Variants in FSIP1 observed in about 807,000 individuals in gnomAD.
FSIP1 encodes the protein fibrous sheath interacting protein 1.
FSIP1 carries 65 observed loss-of-function variants against 60.9 expected under a neutral mutation model. The ratio of observed to expected loss-of-function variants is 1.07; its 90% confidence interval spans 0.87 to 1.31. FSIP1 has a LOEUF of 1.31. FSIP1 is among the 40% of genes most tolerant of loss of function. FSIP1 has a pLI of 0.00. For synonymous variants in FSIP1, 209 were observed against 221.2 expected, an observed-to-expected ratio of 0.94 and a Z score of 0.49; for missense variants, 675 against 665.5, an observed-to-expected ratio of 1.01 and a Z score of -0.16.
At chr15:39,682,811 A>G (rs1894219840) in intron 10 of FSIP1, among the ~76,000 whole-genome samples, 1 of 152,236 alleles carries the variant, frequency 6.6e-6, no homozygotes, top group South Asian at 2.1e-4. Context: ...AAAAATTGCA[A>G]AAACTTTTAA....
chr15:39,639,505 T>C (rs879349935), intron 10 of FSIP1, among the ~76,000 whole-genome samples: 8 of 152,212 alleles, frequency 5.3e-5, no homozygotes, highest in Non-Finnish European at 7.3e-5. Context: ...TCCACAATTA[T>C]GTTTCTTTAA....
chr15:39,688,193 AG>A (rs1894458397), intron 10 of FSIP1, among the ~76,000 whole-genome samples: 1 of 152,354 alleles, frequency 6.6e-6, no homozygotes, highest in Admixed American at 6.5e-5. Flanking sequence ...CCACAACTTC[AG>A]GGAGATGACA....
chr15:39,621,045 A>C (rs904791272), intron 10 of FSIP1, among the ~76,000 whole-genome samples: 5 of 146,998 alleles, frequency 3.4e-5, no homozygotes, highest in Admixed American at 3.3e-4. Context: ...AAGCAAGAGA[A>C]GGGCATTTCT....
chr15:39,668,276 T>C (rs1490647739), intron 10 of FSIP1, among the ~76,000 whole-genome samples: 1 of 151,960 alleles, frequency 6.6e-6, no homozygotes, highest in African/African-American at 2.4e-5. Context: ...TCTTCTTCAT[T>C]CCATGCTTCT....
chr15:39,642,304 GT>G lies in FSIP1; in HGVS notation c.1189-24060del, dbSNP rs575139284. Reference sequence around the variant, plus strand: ...CGCAAGTTTCCCCTCTCCCACCCCTGTTTTTTATTTAATTATTTTTAACCTG... The same window carrying G: ...CGCAAGTTTCCCCTCTCCCACCCCTGTTTTTATTTAATTATTTTTAACCTG... On this transcript the variant is annotated intron_variant, in intron 10 of 11. Transcript: ENST00000350221. 7.9e-5 allele frequency among the ~76,000 whole-genome samples: 12 copies of G among 152,150 alleles called. No individual in the cohort carries two copies. In the East Asian group the frequency reaches 2.3e-3, roughly 29 times the overall value.
chr15:39,628,014 C>T lies in FSIP1; in HGVS notation c.1189-9769G>A, dbSNP rs367735455. 3.4e-4 allele frequency among the ~76,000 whole-genome samples: 52 copies of T among 152,330 alleles called. No homozygotes were observed. In the East Asian group the frequency reaches 8.5e-3, roughly 25 times the overall value. On this transcript the variant is annotated intron_variant, in intron 10 of 11. Coordinates refer to ENST00000350221, the MANE Select transcript of FSIP1 (RefSeq NM_152597.5). ...CTCTGCAGACTGTCAACAAGGCTCA[C>T]ATGCTGGCACTGGCTGGGTGCAGGT...
intron 10 of FSIP1, among the ~76,000 whole-genome samples, chr15:39,638,076 C>G (rs992385105): frequency 3.3e-5 from 5 of 152,128 alleles, no homozygotes; most frequent in Non-Finnish European, 5.9e-5. Context: ...ACTCTTGATC[C>G]CTCATTCTTT....
At chr15:39,602,328 G>T (rs924086598) in intron 11 of FSIP1, 1 of 456,308 alleles carries the variant, frequency 2.2e-6, no homozygotes, top group Non-Finnish European at 4.4e-6. Context: ...GCATGGAAGC[G>T]TTCTAGCGTT....
At chr15:39,680,733 G>C (rs181897334) in intron 10 of FSIP1, among the ~76,000 whole-genome samples, 54 of 152,228 alleles carry the variant, frequency 3.5e-4, no homozygotes, top group African/African-American at 1.3e-3. Flanking sequence ...ATGATTACTT[G>C]AGTTTTCTCT....
chr15:39,781,118 T>A (rs1898251934), intron 1 of FSIP1, among the ~76,000 whole-genome samples: 1 of 152,002 alleles, frequency 6.6e-6, no homozygotes, highest in African/African-American at 2.4e-5. Context: ...CCAGAATATA[T>A]AAACAAGTAT....
At chr15:39,715,886 C>T (rs1326574685) in intron 9 of FSIP1, among the ~76,000 whole-genome samples, 1 of 152,122 alleles carries the variant, frequency 6.6e-6, no homozygotes, top group African/African-American at 2.4e-5. Flanking sequence ...CTTGCTCTGG[C>T]CATGTAAGAA....
intron 10 of FSIP1, among the ~76,000 whole-genome samples, chr15:39,699,020 C>A (rs1271163347): frequency 6.6e-6 from 1 of 152,170 alleles, no homozygotes; most frequent in African/African-American, 2.4e-5. Flanking sequence ...TCCGACCTGC[C>A]CTTGTGGTCT....
Position 39,666,814 on chromosome 15 carries a change from T to G in FSIP1, c.1188+46630A>C, listed in dbSNP as rs540449618. ...TGCTCCTTCACAGCAGGATGCAGATTCCTTTTTCTAAGCAGAATTCCAGAC... is the reference window on the plus strand; with the variant it reads ...TGCTCCTTCACAGCAGGATGCAGATGCCTTTTTCTAAGCAGAATTCCAGAC... On this transcript the variant is annotated intron_variant, in intron 10 of 11. Coordinates refer to ENST00000350221, the MANE Select transcript of FSIP1 (RefSeq NM_152597.5). Among the ~76,000 whole-genome samples the G allele has an allele frequency of 4.8e-4, 73 of 152,314 alleles. 1 individual carries two copies. Among genetic ancestry groups the G allele is most frequent in the African/African-American group, 1.6e-3 (68 of 41,564 alleles).
At chr15:39,609,481 C>G (rs992083289) in intron 11 of FSIP1, among the ~76,000 whole-genome samples, 1 of 151,886 alleles carries the variant, frequency 6.6e-6, no homozygotes, top group Non-Finnish European at 1.5e-5. Context: ...GAGGCAAGTG[C>G]AGGTCAATGA....
intron 10 of FSIP1, among the ~76,000 whole-genome samples, chr15:39,708,609 A>C (rs923058672): frequency 6.6e-6 from 1 of 152,126 alleles, no homozygotes; most frequent in Non-Finnish European, 1.5e-5. Flanking sequence ...CAACACACAC[A>C]AAACACACTA....
rs528050003 is a variant in FSIP1, at chr15:39,719,478, G to GGT, written c.1051-5899_1051-5898dup. On this transcript the variant is annotated intron_variant, in intron 9 of 11. Transcript: ENST00000350221. ...GTTTATCCTTAGAAAAATTATCTGT[G>GGT]GTGTTGACTAGGCCAAAAGGGATCT... 6.8e-4 allele frequency among the ~76,000 whole-genome samples: 103 copies of GGT among 152,294 alleles called. 2 individuals carry two copies. In the South Asian group the frequency reaches 0.021, roughly 31 times the overall value.
intron 5 of FSIP1, among the ~76,000 whole-genome samples, chr15:39,754,476 C>T (rs184447604): frequency 9.2e-5 from 14 of 151,718 alleles, no homozygotes; most frequent in African/African-American, 2.7e-4. Flanking sequence ...ACCATGGAGG[C>T]GAGACTGAAA....
At chr15:39,680,299 T>C (rs561084985) in intron 10 of FSIP1, among the ~76,000 whole-genome samples, 1 of 152,318 alleles carries the variant, frequency 6.6e-6, no homozygotes, top group Non-Finnish European at 1.5e-5. Context: ...GAACCAGTTC[T>C]TAGAGTGTAT....
intron 10 of FSIP1, among the ~76,000 whole-genome samples, chr15:39,675,426 A>G (rs534261423): frequency 2.0e-5 from 3 of 152,216 alleles, no homozygotes; most frequent in Non-Finnish European, 4.4e-5. Flanking sequence ...ATTCATAACG[A>G]AAATCTGAAA....
Sources: allele counts gnomAD v4.1 joint callset (sites outside exome capture counted in the v4.1 genomes callset), GRCh38; gene constraint gnomAD v4.1.1; transcripts MANE v1.5; gene names NCBI Gene and HGNC (gene_info 2026-07-23, HGNC 2026-07-21).